The following PLCG2 variants were observed in gnomAD, a reference collection of about 807,000 sequenced individuals.
The protein encoded by PLCG2 is 1-phosphatidylinositol 4,5-bisphosphate phosphodiesterase gamma-2.
In PLCG2, 69 loss-of-function variants were observed where a neutral mutation model predicts 175.6. The ratio of observed to expected loss-of-function variants is 0.39; its 90% CI spans 0.32 to 0.48. PLCG2 has a LOEUF of 0.48. Ranked by LOEUF, PLCG2 falls within the 20% of genes least tolerant of loss-of-function variation. The pLI is 0.91. For synonymous variants in PLCG2, 827 were observed against 624.0 expected, an observed-to-expected ratio of 1.33 and a Z score of -4.85; for missense variants, 1,798 against 1,650.9, an observed-to-expected ratio of 1.09 and a Z score of -1.54.
At chr16:81,823,490 T>A (rs1904897625) in intron 2 of PLCG2, among the ~76,000 whole-genome samples, 1 of 152,150 alleles carries the variant, frequency 6.6e-6, no homozygotes, top group South Asian at 2.1e-4. Context: ...CTGTCTAGCT[T>A]GGATTTGTGT....
At chr16:81,846,693 A>G (rs965588950) in intron 2 of PLCG2, among the ~76,000 whole-genome samples, 30 of 152,190 alleles carry the variant, frequency 2.0e-4, no homozygotes, top group African/African-American at 7.2e-4. Flanking sequence ...TCAAGATATC[A>G]GTTCTTCCTG....
chr16:81,769,809 G>T (rs1407222203), intron 2 of PLCG2, among the ~76,000 whole-genome samples: 1 of 121,658 alleles, frequency 8.2e-6, no homozygotes, highest in Non-Finnish European at 1.6e-5. Context: ...GACAGAGCGA[G>T]ACTCCGTCTC....
At chr16:81,840,343 A>G (rs997997577) in intron 2 of PLCG2, among the ~76,000 whole-genome samples, 1 of 152,200 alleles carries the variant, frequency 6.6e-6, no homozygotes, top group Non-Finnish European at 1.5e-5. Flanking sequence ...GTTTTGTGGA[A>G]GATAACTTTT....
intron 2 of PLCG2, among the ~76,000 whole-genome samples, chr16:81,833,735 G>T (rs1567488625): frequency 1.3e-5 from 2 of 152,034 alleles, no homozygotes; most frequent in South Asian, 4.2e-4. Context: ...GGAACTTACA[G>T]CCAAGGTGAG....
chr16:81,893,955 T>C (rs1908760573), intron 12 of PLCG2, among the ~76,000 whole-genome samples, 161 bp downstream of exon 12: 1 of 147,450 alleles, frequency 6.8e-6, no homozygotes, highest in Non-Finnish European at 1.5e-5. Flanking sequence ...GTTTTCTTTT[T>C]TCTTTCTTTT....
At chr16:81,953,291 T>G (rs9928191) in intron 31 of PLCG2, among the ~76,000 whole-genome samples, 78,426 of 151,852 alleles carry the variant, frequency 0.52, 20,400 homozygotes, top group South Asian at 0.61. Context: ...AGATCTGTAG[T>G]TTTAGTATTG....
At chr16:81,947,251 GC>G (rs1911188053) in intron 31 of PLCG2, among the ~76,000 whole-genome samples, 1 of 152,200 alleles carries the variant, frequency 6.6e-6, no homozygotes, top group South Asian at 2.1e-4. Flanking sequence ...TGCCGGGGCT[GC>G]CACTGTAGGG....
intron 21 of PLCG2, chr16:81,921,543 A>G: frequency 2.2e-6 from 1 of 446,332 alleles, no homozygotes; most frequent in Non-Finnish European, 4.1e-6. Flanking sequence ...TTCTAATGAA[A>G]AGTCTTTCAA....
chr16:81,899,433 A>T (rs778115580), intron 13 of PLCG2, among the ~76,000 whole-genome samples: 1 of 152,116 alleles, frequency 6.6e-6, no homozygotes, highest in Non-Finnish European at 1.5e-5. Flanking sequence ...TCTACTTGCT[A>T]AAATTGACTT....
intron 2 of PLCG2, among the ~76,000 whole-genome samples, chr16:81,797,604 A>G (rs983422631): frequency 6.6e-6 from 1 of 152,214 alleles, no homozygotes; most frequent in Non-Finnish European, 1.5e-5. Context: ...TGCTCCTCAG[A>G]TACCTGGTTA....
At chr16:81,830,809 G>T (rs1441228821) in intron 2 of PLCG2, among the ~76,000 whole-genome samples, 1 of 152,000 alleles carries the variant, frequency 6.6e-6, no homozygotes, top group Non-Finnish European at 1.5e-5. Context: ...AGGGGGATGG[G>T]AAGGGTGAGG....
At chr16:81,940,387 G>A (rs921611788) in intron 30 of PLCG2, among the ~76,000 whole-genome samples, 2 of 152,074 alleles carry the variant, frequency 1.3e-5, no homozygotes, top group African/African-American at 4.8e-5. Context: ...GCTAAGTCTG[G>A]TTTGATCTCC....
chr16:81,910,297 G>T (rs1271179577), intron 17 of PLCG2, among the ~76,000 whole-genome samples: 1 of 152,064 alleles, frequency 6.6e-6, no homozygotes, highest in Non-Finnish European at 1.5e-5. Flanking sequence ...CACTGTATTG[G>T]CCAGGCTGGT....
At chr16:81,899,997 C>A (rs1365029846) in intron 13 of PLCG2, among the ~76,000 whole-genome samples, 13 of 152,008 alleles carry the variant, frequency 8.6e-5, no homozygotes, top group Non-Finnish European at 1.3e-4. Flanking sequence ...GAACCATAAC[C>A]CCAATAGATA....
chr16:81,815,362 G>T (rs1225621004), intron 2 of PLCG2, among the ~76,000 whole-genome samples: 1 of 152,170 alleles, frequency 6.6e-6, no homozygotes, highest in East Asian at 1.9e-4. Context: ...ATCCTTCTGT[G>T]TAGCTGAGCC....
At chr16:81,752,443 G>C (rs1320096677) in intron 1 of PLCG2, among the ~76,000 whole-genome samples, 1 of 152,146 alleles carries the variant, frequency 6.6e-6, no homozygotes, top group Non-Finnish European at 1.5e-5. Context: ...TCTTTTTCCT[G>C]GGGTGGAGGC....
rs998739892 is a variant in PLCG2 at position 81,897,936 on chromosome 16, G to A, written c.1193+2009G>A. On this transcript the variant is annotated intron_variant, in intron 13 of 32. Transcript: ENST00000564138. ...ACAATGAAATTATGGACGTCTTTTCGCACTTGGTGAAAACCTTTCAATGAA... is the reference window on the plus strand; with the variant it reads ...ACAATGAAATTATGGACGTCTTTTCACACTTGGTGAAAACCTTTCAATGAA... 1.3e-5 allele frequency: 6 copies of A among 448,924 alleles called. No homozygotes were observed. The East Asian group carries it at 2.1e-4, about 16-fold the overall frequency. The allele number at this position is 448,924 out of a possible 1,614,324, so 27.8% of individuals were successfully genotyped here.
chr16:81,823,198 T>C (rs1904880775), intron 2 of PLCG2, among the ~76,000 whole-genome samples: 1 of 152,254 alleles, frequency 6.6e-6, no homozygotes, highest in Non-Finnish European at 1.5e-5. Context: ...ATGGATTGTT[T>C]TCAGTTCAGC....
rs577994904 is a variant in PLCG2 at position 81,834,496 on chromosome 16, GATGATA to G, written c.194-19944_194-19939del. ...GTTTCCCCTTCTGCAAAATGGAGTT[GATGATA>G]ATGGTAGTTACTTAGGGCTTTGGGA... On this transcript the variant is annotated intron_variant, in intron 2 of 32. Transcript: ENST00000564138. Among the ~76,000 whole-genome samples the G allele has an allele frequency of 2.9e-3, 437 of 152,238 alleles. 15 individuals carry two copies. Among genetic ancestry groups the G allele is most frequent in the Admixed American group, 0.026 (395 of 15,280 alleles).
Sources: gnomAD v4.1 joint callset for allele counts (sites outside exome capture counted in the v4.1 genomes callset) on GRCh38, gnomAD v4.1.1 for gene constraint, MANE v1.5 for transcripts, NCBI Gene and HGNC (gene_info 2026-07-23, HGNC 2026-07-21) for gene names.